The following CCZ1 variants were observed in gnomAD, a reference collection of about 807,000 sequenced individuals.
The protein encoded by CCZ1 is vacuolar fusion protein CCZ1 homolog.
In CCZ1, 19 loss-of-function variants were observed where a neutral mutation model predicts 57.8. That is an observed-to-expected ratio of 0.33 (90% CI 0.23 to 0.48). CCZ1 has a LOEUF of 0.48. Ranked by LOEUF, CCZ1 falls within the 20% of genes least tolerant of loss-of-function variation. The pLI is 0.99. For synonymous variants in CCZ1, 81 were observed against 167.0 expected (o/e 0.49, Z 3.97); for missense variants, 200 against 492.0 (o/e 0.41, Z 5.61).
chr7:5,910,730 ATTT>A (rs1781954768), intron 8 of CCZ1, among the ~76,000 whole-genome samples: 1 of 91,594 alleles, frequency 1.1e-5, no homozygotes, highest in South Asian at 3.6e-4. Flanking sequence ...TTATTTATTT[ATTT>A]ATTTATTTAT....
At chr7:5,913,125 T>C (rs1779074303) in intron 10 of CCZ1, among the ~76,000 whole-genome samples, 171 bp downstream of exon 10, 1 of 148,050 alleles carries the variant, frequency 6.8e-6, no homozygotes, top group Admixed American at 6.7e-5. Flanking sequence ...AAGTTTATTT[T>C]CAGCTCCTTT....
At chr7:5,903,865 C>G (rs1781740367) in intron 6 of CCZ1, among the ~76,000 whole-genome samples, 1 of 144,662 alleles carries the variant, frequency 6.9e-6, no homozygotes, top group Non-Finnish European at 1.5e-5. Context: ...CGTGGTGGCG[C>G]ACGCCTGTAA....
chr7:5,924,278 G>A lies in CCZ1; in HGVS notation c.1393+316G>A, dbSNP rs532222113. Among the ~76,000 whole-genome samples, 144 of 75,088 alleles carry A rather than the reference G, an allele frequency of 1.9e-3. 6 individuals are homozygous for A. Among genetic ancestry groups the A allele is most frequent in the African/African-American group, 6.6e-3 (133 of 20,266 alleles). 49.3% of individuals were successfully genotyped at this position (75,088 alleles called of 152,430 possible). A position where few individuals can be genotyped will look rare whatever the true frequency, so the allele number is the denominator to read the frequency against. ...CTCACTTTGTCACACAGGCTGGAGT[G>A]CAGTGGTGCAATCATAGCTCACCAC... On this transcript the variant is annotated intron_variant, in intron 14 of 14. Transcript: ENST00000325974.
chr7:5,912,445 TGTG>T (rs1453699191), intron 9 of CCZ1, among the ~76,000 whole-genome samples: 1 of 111,286 alleles, frequency 9.0e-6, no homozygotes, highest in African/African-American at 3.6e-5. Flanking sequence ...CAGGCTGGAG[TGTG>T]GAGTACAGTG....
At chr7:5,907,268 C>A (rs1781853488) in intron 7 of CCZ1, among the ~76,000 whole-genome samples, 1 of 149,452 alleles carries the variant, frequency 6.7e-6, no homozygotes, top group South Asian at 2.2e-4. Flanking sequence ...AAGTGAAATT[C>A]TGCTGTGAAA....
chr7:5,922,997 C>T (rs1293424908), intron 12 of CCZ1, among the ~76,000 whole-genome samples: 42 of 146,896 alleles, frequency 2.9e-4, no homozygotes, highest in African/African-American at 9.2e-4. Context: ...GTGGCAATGG[C>T]GAGGTTCCCG....
chr7:5,911,851 G>T lies in CCZ1; in HGVS notation c.781-10G>T. 6.5e-7 allele frequency: 1 copy of T among 1,549,732 alleles called. No homozygotes were observed. Among genetic ancestry groups the T allele is most frequent in the Non-Finnish European group, 8.8e-7 (1 of 1,140,482 alleles). On this transcript the variant is annotated splice_polypyrimidine_tract_variant and intron_variant, in intron 8 of 14. Transcript: ENST00000325974. ...TGATAAGTCATTCTCAACATTAAAT[G>T]TATTTGCAGTTAGCAGGAAGGGATT...
In CCZ1 at chr7:5,905,117, G is replaced by C; in HGVS notation, c.546G>C (p.Gln182His). The C allele has an allele frequency of 6.3e-7, 1 of 1,597,588 alleles. No individual in the cohort carries two copies. Among genetic ancestry groups the C allele is most frequent in the Non-Finnish European group, 8.5e-7 (1 of 1,177,830 alleles). Residue 182 changes from glutamine (Q) to histidine (H), a missense_variant, in exon 7 of 15, where the codon CAG (glutamine) becomes CAC (histidine). By Grantham distance (24) the Gln-to-His change is conservative. Around this residue, in one of 5 missense-constraint regions of CCZ1, gnomAD observed 128 missense variants for 178.4 expected, o/e 0.72. Transcript: ENST00000325974. ...FHRYLQTLHL[Q>H]SCDLLDIFGG... ...AGTATTTGCAAACGCTACATTTGCA[G>C]TCATGTGACCTACTTGACATTTTTG...
chr7:5,902,817 G>A lies in CCZ1; in HGVS notation c.522+73G>A, dbSNP rs778653892. ...TTTTTAGAGAAATATAGACAGACAA[G>A]TTTGTTTCTTATATACAAAAAACCC... On this transcript the variant is annotated intron_variant, in intron 6 of 14. Coordinates refer to ENST00000325974, the MANE Select transcript of CCZ1 (RefSeq NM_015622.6). The A allele has an allele frequency of 1.4e-4, 212 of 1,532,546 alleles. 10 individuals carry two copies. The highest frequency in any genetic ancestry group is 1.1e-4 in the Non-Finnish European group (126 of 1,150,466). 94.9% of individuals were successfully genotyped at this position (1,532,546 alleles called of 1,614,324 possible). A position where few individuals can be genotyped will look rare whatever the true frequency, so the allele number is the denominator to read the frequency against.
rs1181921498 is a variant in CCZ1 at position 5,899,330 on chromosome 7, GGGGGGT to G, written c.120+413_120+418del. 1.3e-3 allele frequency among the ~76,000 whole-genome samples: 62 copies of G among 48,028 alleles called. 1 individual carries two copies. Among genetic ancestry groups the G allele is most frequent in the South Asian group, 5.2e-3 (13 of 2,524 alleles). The allele number at this position is 48,028 out of a possible 152,430, so 31.5% of individuals were successfully genotyped here. A position where few individuals can be genotyped will look rare whatever the true frequency, so the allele number is the denominator to read the frequency against. On this transcript the variant is annotated intron_variant, in intron 1 of 14. Coordinates refer to ENST00000325974, the MANE Select transcript of CCZ1 (RefSeq NM_015622.6). ...ATGAGGAAATAAATTAATTTCGGGA[GGGGGGT>G]GTGTGTGTGTGTGTGTGTGTGTGTG...
chr7:5,910,390 G>A lies in CCZ1; in HGVS notation c.780+274G>A, dbSNP rs191792393. On this transcript the variant is annotated intron_variant, in intron 8 of 14. Coordinates refer to ENST00000325974, the MANE Select transcript of CCZ1 (RefSeq NM_015622.6). ...TTTTTGTTTGTTTGGTTTTTGAGAC[G>A]GAGTCTCGAACTTTCGCCTGGGATG... Among the ~76,000 whole-genome samples the A allele has an allele frequency of 5.4e-3, 800 of 149,458 alleles. 13 individuals are homozygous for A. The highest frequency in any genetic ancestry group is 0.019 in the African/African-American group (761 of 40,482).
intron 7 of CCZ1, among the ~76,000 whole-genome samples, chr7:5,909,414 A>G (rs1292028347): frequency 1.3e-5 from 2 of 150,642 alleles, no homozygotes; most frequent in Non-Finnish European, 2.9e-5. Context: ...AAATGAAAAA[A>G]GATGAGGCCA....
intron 6 of CCZ1, among the ~76,000 whole-genome samples, chr7:5,904,747 T>C (rs1042381094): frequency 6.1e-5 from 9 of 147,354 alleles, no homozygotes; most frequent in Non-Finnish European, 1.3e-4. Context: ...AGGAGAATGG[T>C]GTGAACCTGG....
At chr7:5,907,949 A>G (rs1280136674) in intron 7 of CCZ1, among the ~76,000 whole-genome samples, 2 of 146,040 alleles carry the variant, frequency 1.4e-5, no homozygotes, top group Non-Finnish European at 3.0e-5. Context: ...GGAAAAAAAA[A>G]AAAATAGCTG....
intron 7 of CCZ1, among the ~76,000 whole-genome samples, chr7:5,908,889 G>A (rs1454071365): frequency 2.5e-4 from 37 of 146,792 alleles, no homozygotes; most frequent in African/African-American, 5.1e-4. Context: ...CCGAAGATCC[G>A]GAGAATTAAA....
Position 5,902,478 on chromosome 7 carries a change from T to G in CCZ1, c.439-183T>G, listed in dbSNP as rs1177686633. On this transcript the variant is annotated intron_variant, in intron 5 of 14. Coordinates refer to ENST00000325974, the MANE Select transcript of CCZ1 (RefSeq NM_015622.6). ...GTTTCATAAATAAGACAGCATCACT[T>G]AACAGTATTTTTTGTAACTTACATT... 3 of 1,144,840 alleles carry G rather than the reference T, an allele frequency of 2.6e-6. No individual in the cohort carries two copies. In the African/African-American group the frequency reaches 5.0e-5, roughly 19 times the overall value. 70.9% of individuals were successfully genotyped at this position (1,144,840 alleles called of 1,614,324 possible). A position where few individuals can be genotyped will look rare whatever the true frequency, so the allele number is the denominator to read the frequency against.
Position 5,907,820 on chromosome 7 carries a change from G to GCCTCTTACTCCAA in CCZ1, c.699-2215_699-2214insCCTCTTACTCCAA, listed in dbSNP as rs1781869180. On this transcript the variant is annotated intron_variant, in intron 7 of 14. Coordinates refer to ENST00000325974, the MANE Select transcript of CCZ1 (RefSeq NM_015622.6). ...ACAAAAATAACCTTCAAGCAAAACA[G>GCCTCTTACTCCAA]GCGCCAATGCTTACACCTGTCATCC... 4.1e-5 allele frequency among the ~76,000 whole-genome samples: 2 copies of GCCTCTTACTCCAA among 48,486 alleles called. 1 individual carries two copies. The highest frequency in any genetic ancestry group is 1.5e-4 in the African/African-American group (2 of 13,202). 31.8% of individuals were successfully genotyped at this position (48,486 alleles called of 152,430 possible). A position where few individuals can be genotyped will look rare whatever the true frequency, so the allele number is the denominator to read the frequency against.
intron 14 of CCZ1, among the ~76,000 whole-genome samples, chr7:5,924,393 C>A (rs1439962237): frequency 7.7e-5 from 7 of 90,424 alleles, no homozygotes; most frequent in African/African-American, 2.9e-4. Context: ...GCATGTGTCA[C>A]CAGACCCAGC....
intron 12 of CCZ1, among the ~76,000 whole-genome samples, chr7:5,922,157 CAG>C (rs1365463365): frequency 8.3e-6 from 1 of 120,244 alleles, no homozygotes; most frequent in Non-Finnish European, 1.8e-5. Flanking sequence ...CCTGGCCTCA[CAG>C]AGTGTTTTGA....
Sources: allele counts gnomAD v4.1 joint callset (sites outside exome capture counted in the v4.1 genomes callset), GRCh38; gene constraint gnomAD v4.1.1; regional missense constraint gnomAD v4.1.1; transcripts MANE v1.5; gene names NCBI Gene and HGNC (gene_info 2026-07-23, HGNC 2026-07-21).